Variants in MSRA observed in about 807,000 individuals in gnomAD.
MSRA encodes the protein mitochondrial peptide methionine sulfoxide reductase.
A neutral mutation model predicts 31.3 loss-of-function variants in MSRA; 54 were observed. The observed-to-expected ratio is 1.73, with a 90% CI of 1.39 to 2.17. The LOEUF (loss-of-function observed/expected upper bound fraction) is 2.17, where lower values mean the gene tolerates loss of function less well. MSRA is among the 30% of genes most tolerant of loss of function. The probability of loss-of-function intolerance (pLI) is 0.00; values close to 1 mark genes in which losing one functional copy is unlikely to be tolerated. For synonymous variants in MSRA, 169 were observed against 116.5 expected, an observed-to-expected ratio of 1.45 and a Z score of -2.90; for missense variants, 507 against 300.9, an observed-to-expected ratio of 1.69 and a Z score of -5.07.
intron 5 of MSRA, among the ~76,000 whole-genome samples, chr8:10,323,049 T>G (rs1802141262): frequency 7.4e-6 from 1 of 135,194 alleles, no homozygotes; most frequent in African/African-American, 2.9e-5. Flanking sequence ...GAGATTGCAT[T>G]ACTAAACTCC....
intron 3 of MSRA, among the ~76,000 whole-genome samples, chr8:10,285,662 C>T (rs980718875): frequency 2.6e-5 from 4 of 151,818 alleles, no homozygotes; most frequent in African/African-American, 7.3e-5. Context: ...CCACTCCTTC[C>T]CCGCCTCTGG....
At chr8:10,167,000 T>G (rs1175423373) in intron 1 of MSRA, among the ~76,000 whole-genome samples, 5 of 152,184 alleles carry the variant, frequency 3.3e-5, no homozygotes, top group Non-Finnish European at 4.4e-5. Flanking sequence ...TGAGGTGACA[T>G]GGAGAAGTCA....
At chr8:10,156,358 C>A (rs1019955556) in intron 1 of MSRA, among the ~76,000 whole-genome samples, 3 of 151,944 alleles carry the variant, frequency 2.0e-5, no homozygotes, top group Non-Finnish European at 4.4e-5. Context: ...TTGAGAGATG[C>A]CTTTTGGATT....
At chr8:10,235,205 A>G (rs1287251410) in intron 2 of MSRA, among the ~76,000 whole-genome samples, 3 of 152,176 alleles carry the variant, frequency 2.0e-5, no homozygotes, top group Non-Finnish European at 2.9e-5. Context: ...TTTCAAAATA[A>G]TGAAGACCAC....
intron 1 of MSRA, among the ~76,000 whole-genome samples, chr8:10,084,147 A>T (rs1028912879): frequency 6.6e-6 from 1 of 152,196 alleles, no homozygotes; most frequent in Non-Finnish European, 1.5e-5. Context: ...CTGGTTATGG[A>T]GTACTCTCCG....
chr8:10,176,764 G>A (rs1383025417), intron 1 of MSRA, among the ~76,000 whole-genome samples: 1 of 152,146 alleles, frequency 6.6e-6, no homozygotes, highest in African/African-American at 2.4e-5. Flanking sequence ...GCTGGAATGG[G>A]GGCTCAGAGC....
intron 5 of MSRA, among the ~76,000 whole-genome samples, chr8:10,356,716 T>C (rs1804529026): frequency 6.6e-6 from 1 of 152,034 alleles, no homozygotes; most frequent in African/African-American, 2.4e-5. Context: ...AAGGAGGCAG[T>C]CCCTCACCAG....
At chr8:10,061,399 A>T (rs1248958036) in intron 1 of MSRA, among the ~76,000 whole-genome samples, 6 of 152,156 alleles carry the variant, frequency 3.9e-5, no homozygotes, top group African/African-American at 1.4e-4. Context: ...TTCTCCCGGA[A>T]ACCCATCCTT....
chr8:10,273,034 T>C (rs1480174496), intron 3 of MSRA, among the ~76,000 whole-genome samples: 1 of 152,180 alleles, frequency 6.6e-6, no homozygotes, highest in East Asian at 1.9e-4. Context: ...TGTGAAAAAG[T>C]AGACCGTGTA....
At chr8:10,138,969 C>T (rs912289852) in intron 1 of MSRA, among the ~76,000 whole-genome samples, 3 of 152,242 alleles carry the variant, frequency 2.0e-5, no homozygotes, top group African/African-American at 7.2e-5. Flanking sequence ...TGGGTGCTGT[C>T]AGTCTCAGTC....
chr8:10,317,324 G>A (rs58742756), intron 4 of MSRA, among the ~76,000 whole-genome samples: 2,788 of 152,266 alleles, frequency 0.018, 76 homozygotes, highest in African/African-American at 0.062. Flanking sequence ...AATCAGGATG[G>A]ATAAAACAGA....
intron 1 of MSRA, among the ~76,000 whole-genome samples, chr8:10,145,854 G>A (rs949874900): frequency 6.6e-6 from 1 of 152,136 alleles, no homozygotes; most frequent in Non-Finnish European, 1.5e-5. Flanking sequence ...AATGATTTTG[G>A]CATTGTAACT....
intron 1 of MSRA, among the ~76,000 whole-genome samples, chr8:10,136,576 C>T (rs1196191033): frequency 1.3e-5 from 2 of 152,222 alleles, no homozygotes; most frequent in African/African-American, 4.8e-5. Context: ...TTTGAAAAAT[C>T]ACAAGTGTGG....
intron 5 of MSRA, among the ~76,000 whole-genome samples, chr8:10,390,979 G>GAC (rs1806707426): frequency 7.2e-6 from 1 of 138,658 alleles, no homozygotes; most frequent in Non-Finnish European, 1.5e-5. Flanking sequence ...TGTCTCAAAA[G>GAC]AAAAAAAAAA....
At chr8:10,060,101 A>G (rs1394554061) in intron 1 of MSRA, among the ~76,000 whole-genome samples, 1 of 150,828 alleles carries the variant, frequency 6.6e-6, no homozygotes, top group Admixed American at 6.6e-5. Context: ...CAGGAATTCA[A>G]TTTATGGGAA....
intron 5 of MSRA, chr8:10,353,766 T>G: frequency 2.7e-6 from 1 of 371,416 alleles, no homozygotes; most frequent in Non-Finnish European, 5.4e-6. Flanking sequence ...AGGGTTCCAC[T>G]TGGAAAATTC....
At chr8:10,376,402 G>A (rs1805758212) in intron 5 of MSRA, among the ~76,000 whole-genome samples, 1 of 152,186 alleles carries the variant, frequency 6.6e-6, no homozygotes, top group African/African-American at 2.4e-5. Flanking sequence ...CCTAATTAGA[G>A]GCAGGACAGC....
intron 1 of MSRA, among the ~76,000 whole-genome samples, chr8:10,149,207 C>T (rs543723719): frequency 3.3e-5 from 5 of 151,910 alleles, no homozygotes; most frequent in South Asian, 2.1e-4. Flanking sequence ...CTGCAACTTC[C>T]GCCTCCCGGG....
chr8:10,110,317 G>C (rs1345842884), intron 1 of MSRA, among the ~76,000 whole-genome samples: 1 of 152,084 alleles, frequency 6.6e-6, no homozygotes, highest in Non-Finnish European at 1.5e-5. Context: ...ATTATTTCTG[G>C]ATATTTTCAA....
Sources: gnomAD v4.1 joint callset for allele counts (sites outside exome capture counted in the v4.1 genomes callset) on GRCh38, gnomAD v4.1.1 for gene constraint, MANE v1.5 for transcripts, NCBI Gene and HGNC (gene_info 2026-07-23, HGNC 2026-07-21) for gene names.